The following TCP11L2 variants were observed in gnomAD, a reference collection of about 807,000 sequenced individuals.
TCP11L2 encodes the protein T-complex protein 11-like protein 2.
In TCP11L2, 39 loss-of-function variants were observed where a neutral mutation model predicts 50.7. That is an observed-to-expected ratio of 0.77 (90% CI 0.60 to 1.01). TCP11L2 has a LOEUF of 1.01. Ranked by LOEUF, TCP11L2 falls within the 50% of genes least tolerant of loss-of-function variation. TCP11L2 has a pLI of 0.00. For missense variants in TCP11L2, 612 were observed against 614.7 expected (o/e 1.00, Z 0.05); for synonymous variants, 192 against 219.3 (o/e 0.88, Z 1.10).
intron 6 of TCP11L2, among the ~76,000 whole-genome samples, chr12:106,335,125 A>G (rs1366186543): frequency 6.6e-6 from 1 of 152,206 alleles, no homozygotes. Flanking sequence ...AAGTGGTCCA[A>G]GACCCAAAAA....
chr12:106,342,613 T>A (rs1358956151), intron 9 of TCP11L2, among the ~76,000 whole-genome samples: 1 of 152,248 alleles, frequency 6.6e-6, no homozygotes, highest in Non-Finnish European at 1.5e-5. Flanking sequence ...GTTTGTTCAC[T>A]GCTATATTCT....
At chr12:106,308,607 G>A (rs1565836729) in intron 1 of TCP11L2, among the ~76,000 whole-genome samples, 1 of 152,172 alleles carries the variant, frequency 6.6e-6, no homozygotes, top group Non-Finnish European at 1.5e-5. Flanking sequence ...ATAGCACAGC[G>A]GTTACATTAC....
intron 4 of TCP11L2, 149 bp downstream of exon 4, chr12:106,318,613 G>C (rs1345475023): frequency 5.2e-6 from 5 of 954,154 alleles, no homozygotes; most frequent in East Asian, 5.7e-5. Flanking sequence ...AGCACCACCA[G>C]ATTCGGCATC....
At position 106,304,708 on chromosome 12, in the gene TCP11L2, C is replaced by T. The variant is rs1025705005; in HGVS notation, c.-36+1767C>T. Among the ~76,000 whole-genome samples, 7 of 152,220 alleles carry T rather than the reference C, an allele frequency of 4.6e-5. No homozygotes were observed. The South Asian group carries it at 1.2e-3, about 27-fold the overall frequency. ...GAAATTTCTTTTTTGCGTGAGCTAA[C>T]CTTAACTGGATGGGTTCAATTCCTC... On this transcript the variant is annotated intron_variant, in intron 1 of 9. Transcript: ENST00000299045.
chr12:106,319,537 G>A (rs2035260293), intron 4 of TCP11L2, among the ~76,000 whole-genome samples: 1 of 152,228 alleles, frequency 6.6e-6, no homozygotes, highest in Non-Finnish European at 1.5e-5. Flanking sequence ...AAAGCGCAGA[G>A]ACTCTGGTTT....
intron 8 of TCP11L2, among the ~76,000 whole-genome samples, chr12:106,337,809 T>C (rs2035968434): frequency 6.6e-6 from 1 of 152,246 alleles, no homozygotes; most frequent in Non-Finnish European, 1.5e-5. Context: ...GCACGTAATA[T>C]GTACTCAATG....
rs937352926 is a variant in TCP11L2 at position 106,335,888 on chromosome 12, A to G, written c.960+62A>G. ...TTTTTATTCTTAAGTTCTAACTTTG[A>G]ATCATCTGGTCTGTGTTTCATGTGG... On this transcript the variant is annotated intron_variant, in intron 7 of 9. Coordinates refer to ENST00000299045, the MANE Select transcript of TCP11L2 (RefSeq NM_152772.3). 14 of 1,575,240 alleles carry G rather than the reference A, an allele frequency of 8.9e-6. No homozygotes were observed. In the African/African-American group the frequency reaches 1.8e-4, roughly 20 times the overall value.
At chr12:106,302,468 G>T (rs1465549287), upstream of TCP11L2, among the ~76,000 whole-genome samples, 2 of 145,466 alleles carry the variant, frequency 1.4e-5, no homozygotes, top group Non-Finnish European at 1.5e-5. Flanking sequence ...CCCCAACGCC[G>T]GGCGCTCCCG....
At chr12:106,321,818 C>T (rs1348807470) in intron 5 of TCP11L2, 112 bp downstream of exon 5, 1 of 828,982 alleles carries the variant, frequency 1.2e-6, no homozygotes, top group African/African-American at 1.7e-5. Context: ...AAATTACTGA[C>T]CCTAGAAGAA....
rs892756294 is a variant in TCP11L2 at position 106,329,386 on chromosome 12, G to A, written c.772+5740G>A. 5 of 1,535,962 alleles carry A rather than the reference G, an allele frequency of 3.3e-6. No homozygotes were observed. The African/African-American group carries it at 6.8e-5, about 21-fold the overall frequency. On this transcript the variant is annotated intron_variant, in intron 6 of 9. Transcript: ENST00000299045. ...CTGACCTTGCTTTTGGAACCAGAGA[G>A]AGCAGTCACCGTGCCAGCCTGTGAG...
intron 6 of TCP11L2, among the ~76,000 whole-genome samples, chr12:106,332,527 C>T (rs11112943): frequency 0.36 from 54,460 of 151,960 alleles, 10,268 homozygotes; most frequent in African/African-American, 0.45. Flanking sequence ...AAAACAAAGC[C>T]AATCTCAAAG....
Position 106,341,005 on chromosome 12 carries a change from C to A in TCP11L2, c.1315+7C>A. 1 of 1,587,490 alleles carries A rather than the reference C, an allele frequency of 6.3e-7. No homozygotes were observed. The highest frequency in any genetic ancestry group is 1.2e-5 in the South Asian group (1 of 86,550). On this transcript the variant is annotated splice_region_variant and intron_variant, in intron 9 of 9. Transcript: ENST00000299045. ...CCTATCTGGTCCTTGATTGGTGAGT[C>A]CTTTTATTGATTTCTGCTTCAATTC...
At position 106,321,516 on chromosome 12, in the gene TCP11L2, A is replaced by G. The variant is rs1442716305; in HGVS notation, c.445A>G (p.Asn149Asp). Residue 149 changes from asparagine to aspartate, a missense_variant, in exon 5 of 10, where the codon AAC becomes GAC. By Grantham distance (23) the Asn-to-Asp change is conservative. Coordinates refer to ENST00000299045, the MANE Select transcript of TCP11L2 (RefSeq NM_152772.3). ...ILLSFLTPGG[N>D]RLRNQICEVL... is the part of the protein sequence containing the mutation. ...TCTCTCTTTTCTCACTCCCGGTGGC[A>G]ACCGGCTTCGCAACCAAATCTGTGA... The G allele has an allele frequency of 1.2e-6, 2 of 1,614,060 alleles. No individual in the cohort carries two copies. Among genetic ancestry groups the G allele is most frequent in the Admixed American group, 3.3e-5 (2 of 59,998 alleles).
chr12:106,326,774 G>C (rs1399286083), intron 6 of TCP11L2, among the ~76,000 whole-genome samples: 1 of 152,224 alleles, frequency 6.6e-6, no homozygotes, highest in Non-Finnish European at 1.5e-5. Flanking sequence ...GATATCAACT[G>C]TGGGGGATAT....
chr12:106,327,514 G>A (rs1056964974), intron 6 of TCP11L2, among the ~76,000 whole-genome samples: 1 of 152,158 alleles, frequency 6.6e-6, no homozygotes, highest in African/African-American at 2.4e-5. Flanking sequence ...TTAGTGACCT[G>A]TAATCCATTT....
intron 9 of TCP11L2, among the ~76,000 whole-genome samples, chr12:106,344,411 C>T (rs1020059564): frequency 1.1e-4 from 16 of 152,180 alleles, no homozygotes; most frequent in African/African-American, 2.9e-4. Flanking sequence ...GACACCTTCT[C>T]AACTGGCAAT....
chr12:106,330,429 C>A, intron 6 of TCP11L2: 1 of 501,240 alleles, frequency 2.0e-6, no homozygotes, highest in Non-Finnish European at 2.6e-6. Flanking sequence ...CCCATCCTGG[C>A]AGGGCAGGGC....
In TCP11L2 at chr12:106,323,579, G is replaced by A. The variant is rs759945434; in HGVS notation, c.705G>A (p.Pro235=). 10 of 1,607,138 alleles carry A rather than the reference G, an allele frequency of 6.2e-6. No individual in the cohort carries two copies. The highest frequency in any genetic ancestry group is 2.2e-5 in the East Asian group (1 of 44,518). ...ATTTTACAATTATGAGTCTCAGACC[G>A]CACCTTCAACGCCAGTTGGTGGAAT... ...MANFTIMSLR[P]HLQRQLVEYE... The change falls in exon 6 of 10, where the codon CCG becomes CCA. Residue 235 remains proline, a synonymous_variant. Transcript: ENST00000299045.
chr12:106,329,418 G>A (rs2035669771), intron 6 of TCP11L2: 1 of 1,535,586 alleles, frequency 6.5e-7, no homozygotes, highest in Non-Finnish European at 8.7e-7. Context: ...TGAGAGTGAA[G>A]TCTCTGCCGA....
Sources: gnomAD v4.1 joint callset for allele counts (sites outside exome capture counted in the v4.1 genomes callset) on GRCh38, gnomAD v4.1.1 for gene constraint, MANE v1.5 for transcripts, NCBI Gene and HGNC (gene_info 2026-07-23, HGNC 2026-07-21) for gene names.